ANXA9: variants seen among roughly 807,000 people sequenced by gnomAD.
The protein encoded by ANXA9 is annexin A9, also known as annexin 31.
Under a neutral mutation model 51.8 loss-of-function variants are expected in ANXA9, and 47 were observed. That is an observed-to-expected ratio of 0.91 (90% CI 0.72 to 1.16). The LOEUF is 1.16. ANXA9 is among the 50% of genes most tolerant of loss of function. The pLI is 0.00. For missense variants in ANXA9, 361 were observed against 424.7 expected (o/e 0.85, Z 1.32); for synonymous variants, 154 against 168.7 (o/e 0.91, Z 0.68).
At chr1:150,980,770 G>A (rs777856083), upstream of ANXA9, among the ~76,000 whole-genome samples, 5 of 151,882 alleles carry the variant, frequency 3.3e-5, no homozygotes, top group Admixed American at 6.6e-5. Context: ...TAGTAGAGAC[G>A]GGGTTTCACT....
chr1:150,979,616 G>A (rs1289519348), upstream of ANXA9, among the ~76,000 whole-genome samples: 2 of 152,164 alleles, frequency 1.3e-5, no homozygotes, highest in African/African-American at 2.4e-5. Context: ...ATGTGGGGCT[G>A]GAGCCAGAGA....
chr1:150,995,053 C>G (rs1671811553), intron 13 of ANXA9, among the ~76,000 whole-genome samples: 1 of 152,256 alleles, frequency 6.6e-6, no homozygotes, highest in Non-Finnish European at 1.5e-5. Context: ...GATCGTGCCA[C>G]TGCACTCCCA....
At chr1:150,994,519 C>A (rs1571698278) in intron 12 of ANXA9, 58 bp from the exon 13 acceptor site, 1 of 1,605,192 alleles carries the variant, frequency 6.2e-7, no homozygotes, top group East Asian at 2.2e-5. Flanking sequence ...AGCCATTCAA[C>A]CCCTACTCTC....
At chr1:150,986,682 T>C in intron 9 of ANXA9, 21 bp downstream of exon 9, 2 of 1,570,294 alleles carry the variant, frequency 1.3e-6, no homozygotes, top group South Asian at 1.2e-5. Flanking sequence ...GGTTTAGGAG[T>C]GTGCACAGCC....
At chr1:150,988,496 G>A (rs1482863294) in intron 12 of ANXA9, among the ~76,000 whole-genome samples, 155 bp downstream of exon 12, 1 of 152,194 alleles carries the variant, frequency 6.6e-6, no homozygotes, top group Non-Finnish European at 1.5e-5. Flanking sequence ...CACAGGGGTG[G>A]AGGAATGAGC....
chr1:150,994,307 A>T (rs1005276637), intron 12 of ANXA9, among the ~76,000 whole-genome samples: 1 of 152,180 alleles, frequency 6.6e-6, no homozygotes, highest in African/African-American at 2.4e-5. Context: ...CTGGAGGTAC[A>T]CAGCTCTAAG....
chr1:150,984,400 A>G lies in ANXA9; in HGVS notation c.381+6A>G, dbSNP rs769592594. ...AATTGAGGACAGCTCTGAAGGTAGC[A>G]GGAGGGGAGACTTGCTGGGGTGTCT... On this transcript the variant is annotated splice_donor_region_variant and intron_variant, in intron 6 of 13. Transcript: ENST00000368947. The G allele has an allele frequency of 2.5e-6, 4 of 1,613,714 alleles. No homozygotes were observed. Among genetic ancestry groups the G allele is most frequent in the African/African-American group, 1.3e-5 (1 of 74,920 alleles).
chr1:150,983,976 C>T lies in ANXA9; in HGVS notation c.174C>T (p.Gly58=), dbSNP rs776695364. The change falls in exon 5 of 14, where the codon GGC becomes GGT. Residue 58 remains glycine (G), a splice_region_variant and synonymous_variant. Coordinates refer to ENST00000368947, the MANE Select transcript of ANXA9 (RefSeq NM_003568.3). ...AGCACAGCCCTCATCTCGGTTCAGG[C>T]GTGGACCGCAGTGCCATTGTGGACG... ...QRLLRAITGQ[G]VDRSAIVDVL... is the part of the protein sequence containing the mutation. 1.2e-6 allele frequency: 2 copies of T among 1,612,004 alleles called. No individual in the cohort carries two copies. Among genetic ancestry groups the T allele is most frequent in the East Asian group, 2.2e-5 (1 of 44,834 alleles).
chr1:150,993,635 T>TTC (rs1278604925), intron 12 of ANXA9, among the ~76,000 whole-genome samples: 29 of 61,292 alleles, frequency 4.7e-4, no homozygotes, highest in African/African-American at 2.7e-3. Context: ...CTTTCTTTCT[T>TTC]TTTTTTTTTT....
rs199774942 is a variant in ANXA9, at chr1:150,987,890, G to A, written c.631G>A (p.Gly211Arg). Residue 211 changes from glycine (G) to arginine (R), a missense_variant, in exon 10 of 14, where the codon GGA becomes AGA. By Grantham distance (125) the Gly-to-Arg change is moderately radical. Coordinates refer to ENST00000368947, the MANE Select transcript of ANXA9 (RefSeq NM_003568.3). The part of the protein sequence containing the change: ...QDVQALQRAE[G>R]PSREETWVPV... Reference sequence around the variant, plus strand: ...CTCCTAGGCACTGCAGCGGGCAGAAGGACCTAGCAGAGAGGAAACATGGGT... The same window carrying A: ...CTCCTAGGCACTGCAGCGGGCAGAAAGACCTAGCAGAGAGGAAACATGGGT... 40 of 1,613,958 alleles carry A rather than the reference G, an allele frequency of 2.5e-5. No homozygotes were observed. The highest frequency in any genetic ancestry group is 1.6e-4 in the Middle Eastern group (1 of 6,084).
Position 150,983,135 on chromosome 1 carries a change from G to A in ANXA9, c.30G>A (p.Pro10=), listed in dbSNP as rs767419084. Residue 10 remains proline (P), a synonymous_variant, in exon 3 of 14, where the codon CCG becomes CCA. Transcript: ENST00000368947. MSVTGGKMA[P]SLTQEILSHL... Reference sequence around the variant, plus strand: ...CTGTGACTGGCGGGAAGATGGCACCGTCCCTCACCCAGGAGATCCTCAGCC... The same window carrying A: ...CTGTGACTGGCGGGAAGATGGCACCATCCCTCACCCAGGAGATCCTCAGCC... The A allele has an allele frequency of 2.2e-5, 35 of 1,613,886 alleles. No homozygotes were observed. The Admixed American group carries it at 4.2e-4, about 19-fold the overall frequency.
At chr1:150,991,149 A>C (rs2102802818) in intron 12 of ANXA9, among the ~76,000 whole-genome samples, 1 of 151,458 alleles carries the variant, frequency 6.6e-6, no homozygotes, top group Admixed American at 6.6e-5. Context: ...TCTCTAAAAA[A>C]AAAATAATAA....
chr1:150,980,244 A>G (rs1423590658), upstream of ANXA9, among the ~76,000 whole-genome samples: 1 of 152,066 alleles, frequency 6.6e-6, no homozygotes, highest in Non-Finnish European at 1.5e-5. Context: ...AGAATACAAA[A>G]AATTAGCCAG....
chr1:150,993,308 T>C (rs1242030327), intron 12 of ANXA9, among the ~76,000 whole-genome samples: 1 of 152,110 alleles, frequency 6.6e-6, no homozygotes, highest in Non-Finnish European at 1.5e-5. Flanking sequence ...CTGTGTTATT[T>C]CTTTTCTTTT....
intron 12 of ANXA9, among the ~76,000 whole-genome samples, chr1:150,989,242 G>A (rs1275081300): frequency 2.0e-5 from 3 of 151,820 alleles, no homozygotes; most frequent in African/African-American, 7.3e-5. Flanking sequence ...GCCTCCCGAA[G>A]TGCTAGGATT....
chr1:150,983,879 C>A, intron 4 of ANXA9, 96 bp from the exon 5 acceptor site: 1 of 1,216,026 alleles, frequency 8.2e-7, no homozygotes, highest in Non-Finnish European at 1.2e-6. Flanking sequence ...CCTTTCCTTC[C>A]CAGCCCTCTC....
intron 6 of ANXA9, 49 bp downstream of exon 6, chr1:150,984,443 G>A: frequency 6.3e-7 from 1 of 1,594,952 alleles, no homozygotes; most frequent in Non-Finnish European, 8.6e-7. Context: ...GGAGAAGGCT[G>A]TCAGCCTTGC....
At chr1:150,984,113 A>G in intron 5 of ANXA9, 44 bp downstream of exon 5, 4 of 1,584,576 alleles carry the variant, frequency 2.5e-6, no homozygotes, top group Non-Finnish European at 3.4e-6. Flanking sequence ...TGGGGTGAGA[A>G]ACCCCCTGGA....
intron 9 of ANXA9, among the ~76,000 whole-genome samples, chr1:150,987,597 G>A (rs773914834): frequency 3.3e-5 from 5 of 151,278 alleles, no homozygotes; most frequent in Non-Finnish European, 5.9e-5. Context: ...GCATGATGGT[G>A]AGTGCCTGTA....
Sources: allele counts gnomAD v4.1 joint callset (sites outside exome capture counted in the v4.1 genomes callset), GRCh38; gene constraint gnomAD v4.1.1; transcripts MANE v1.5; gene names NCBI Gene and HGNC (gene_info 2026-07-23, HGNC 2026-07-21).